SYNE2: variants seen among roughly 807,000 people sequenced by gnomAD.
SYNE2 encodes spectrin repeat containing nuclear envelope protein 2.
SYNE2 carries 431 observed loss-of-function variants against 856.3 expected under a neutral mutation model. That is an observed-to-expected ratio of 0.50 (90% CI 0.47 to 0.55). The LOEUF (loss-of-function observed/expected upper bound fraction) is 0.55, where lower values mean the gene tolerates loss of function less well. Among genes scored for constraint, SYNE2 ranks in the 20% least tolerant of loss-of-function variants. The pLI, the probability that SYNE2 is intolerant of heterozygous loss-of-function variation, is 0.00. For missense variants in SYNE2, 8,129 were observed against 8,023.2 expected (o/e 1.01, Z -0.50); for synonymous variants, 2,923 against 2,872.3 (o/e 1.02, Z -0.56).
chr14:64,127,982 C>A (rs1412079782), intron 73 of SYNE2, among the ~76,000 whole-genome samples: 1 of 152,132 alleles, frequency 6.6e-6, no homozygotes, highest in East Asian at 1.9e-4. Flanking sequence ...ATGTATTTAT[C>A]CATCATGACA....
intron 2 of SYNE2, among the ~76,000 whole-genome samples, chr14:63,913,261 T>C (rs776613259): frequency 6.6e-6 from 1 of 151,814 alleles, no homozygotes; most frequent in Non-Finnish European, 1.5e-5. Context: ...TGGGTAGATA[T>C]TTATGTTTTC....
intron 6 of SYNE2, among the ~76,000 whole-genome samples, chr14:63,948,255 A>T (rs1047757453): frequency 6.6e-6 from 1 of 152,160 alleles, no homozygotes; most frequent in East Asian, 1.9e-4. Flanking sequence ...TTAGAAAAAA[A>T]TTGACATTTA....
chr14:63,967,679 T>C, intron 10 of SYNE2, 30 bp from the exon 11 acceptor site: 1 of 1,606,214 alleles, frequency 6.2e-7, no homozygotes, highest in Non-Finnish European at 8.5e-7. Flanking sequence ...TTAAACATTT[T>C]CAATCTTTAA....
At chr14:63,799,853 A>T (rs145250040) in intron 1 of SYNE2, among the ~76,000 whole-genome samples, 1,734 of 152,346 alleles carry the variant, frequency 0.011, 16 homozygotes, top group Non-Finnish European at 0.017. Flanking sequence ...AAATTCTTTT[A>T]GCCCTGGGAT....
At chr14:64,114,922 A>G (rs2097842701) in intron 66 of SYNE2, among the ~76,000 whole-genome samples, 1 of 152,096 alleles carries the variant, frequency 6.6e-6, no homozygotes, top group African/African-American at 2.4e-5. Flanking sequence ...GCCCAGCCCA[A>G]AAGTCAGTTC....
At chr14:63,974,317 T>C (rs1334757710) in intron 11 of SYNE2, among the ~76,000 whole-genome samples, 1 of 152,118 alleles carries the variant, frequency 6.6e-6, no homozygotes, top group African/African-American at 2.4e-5. Flanking sequence ...GTGAGGGCCT[T>C]AGGCTACTTC....
chr14:64,075,597 CT>C (rs58200430), intron 53 of SYNE2: 20,008 of 163,666 alleles, frequency 0.12, 1,665 homozygotes, highest in African/African-American at 0.32. Flanking sequence ...TTCTTTGAAA[CT>C]TTTTTTTTTT....
At chr14:64,191,064 A>T in intron 99 of SYNE2, 2 of 702,190 alleles carry the variant, frequency 2.8e-6, no homozygotes, top group Admixed American at 2.0e-5. Flanking sequence ...CAACACATAG[A>T]ATTTGGAATA....
Position 64,053,252 on chromosome 14 carries a change from C to T in SYNE2, c.9339C>T (p.Asp3113=), listed in dbSNP as rs1337970922. Residue 3113 remains aspartate, a synonymous_variant, in exon 48 of 116, where the codon GAC becomes GAT. Coordinates refer to ENST00000555002, the MANE Select transcript of SYNE2 (RefSeq NM_182914.3). ...TAAATGAAAATAAGACCTTTGATGA[C>T]TCATTCAAGGAGAAAGAAATACTAC... ...KKLNENKTFD[D]SFKEKEILQI... 2 of 1,610,840 alleles carry T rather than the reference C, an allele frequency of 1.2e-6. No homozygotes were observed. The highest frequency in any genetic ancestry group is 1.1e-5 in the South Asian group (1 of 89,816).
At chr14:63,772,102 C>G (rs1445535416) in intron 1 of SYNE2, among the ~76,000 whole-genome samples, 1 of 152,200 alleles carries the variant, frequency 6.6e-6, no homozygotes, top group Non-Finnish European at 1.5e-5. Context: ...CCTGTAATCC[C>G]AGCACTTTGG....
rs772005436 is a variant in SYNE2, at chr14:64,101,917, C to T, written c.12382-15C>T. ...GAAGCTCTTCCCTTTGCTAACCAAT[C>T]GTTTACTGTGATAGAATGGAGATGA... On this transcript the variant is annotated splice_polypyrimidine_tract_variant and intron_variant, in intron 63 of 115. Transcript: ENST00000555002. 7.5e-6 allele frequency: 12 copies of T among 1,596,722 alleles called. No individual in the cohort carries two copies. In the African/African-American group the frequency reaches 8.0e-5, roughly 11 times the overall value.
At chr14:64,221,366 G>A (rs374228563) in intron 111 of SYNE2, among the ~76,000 whole-genome samples, 21 of 152,246 alleles carry the variant, frequency 1.4e-4, no homozygotes, top group South Asian at 6.2e-4. Context: ...TTTTATTCGC[G>A]GCCTCCTGGC....
chr14:64,128,335 A>C (rs1234252146), intron 73 of SYNE2, 117 bp from the exon 74 acceptor site: 3 of 666,824 alleles, frequency 4.5e-6, no homozygotes, highest in Non-Finnish European at 8.1e-6. Context: ...GGATTTCTCT[A>C]TTTTTGTATT....
At chr14:63,774,657 C>G (rs1887046556) in intron 1 of SYNE2, among the ~76,000 whole-genome samples, 2 of 152,028 alleles carry the variant, frequency 1.3e-5, no homozygotes, top group South Asian at 4.2e-4. Context: ...GCCTCAGCCT[C>G]CCAGGTAGAT....
chr14:64,207,840 T>G (rs2098615492), intron 100 of SYNE2: 1 of 363,604 alleles, frequency 2.8e-6, no homozygotes, highest in African/African-American at 2.1e-5. Flanking sequence ...ACAATGTAAT[T>G]TGGATATTAA....
chr14:64,171,873 C>T (rs568434095), intron 94 of SYNE2, among the ~76,000 whole-genome samples: 18 of 152,168 alleles, frequency 1.2e-4, no homozygotes, highest in African/African-American at 3.1e-4. Flanking sequence ...TTTTTTGGGA[C>T]GGAGTCTCAC....
At position 63,814,820 on chromosome 14, in the gene SYNE2, C is replaced by T. The variant is rs1435742079; in HGVS notation, c.-304-37681C>T. 3.3e-5 allele frequency among the ~76,000 whole-genome samples: 4 copies of T among 120,388 alleles called. No homozygotes were observed. In the Admixed American group the frequency reaches 3.8e-4, roughly 11 times the overall value. 79.0% of individuals were successfully genotyped at this position (120,388 alleles called of 152,430 possible). Reference sequence around the variant, plus strand: ...TATCCATATATATCCATATATATATCCATATATATCCATATACATATCTCC... The same window carrying T: ...TATCCATATATATCCATATATATATTCATATATATCCATATACATATCTCC... On this transcript the variant is annotated intron_variant, in intron 1 of 23. Transcript: ENST00000674003.
intron 96 of SYNE2, 61 bp downstream of exon 96, chr14:64,177,544 G>C: frequency 6.2e-7 from 1 of 1,605,988 alleles, no homozygotes; most frequent in Middle Eastern, 1.7e-4. Context: ...GTACTTTGAA[G>C]TGCTTCTTTG....
In SYNE2 at chr14:64,141,389, A is replaced by C; in HGVS notation, c.15025A>C (p.Ile5009Leu). The C allele has an allele frequency of 6.2e-7, 1 of 1,614,130 alleles. No homozygotes were observed. The highest frequency in any genetic ancestry group is 1.3e-5 in the African/African-American group (1 of 75,066). Residue 5009 changes from isoleucine (I) to leucine (L), a missense_variant, in exon 81 of 116, where the codon ATC becomes CTC. Ile to Leu is a conservative substitution (Grantham distance 5). Around this residue, in one of 3 missense-constraint regions of SYNE2, gnomAD observed 5,410 missense variants for 5,284.8 expected, o/e 1.02. Coordinates refer to ENST00000555002, the MANE Select transcript of SYNE2 (RefSeq NM_182914.3). ...DEKSSLKTAV[I>L]SIGNQLLHLK... ...AAAATCCTCCTTGAAGACTGCCGTT[A>C]TCAGTATCGGGAACCAGCTTCTTCA...
Sources: gnomAD v4.1 joint callset for allele counts (sites outside exome capture counted in the v4.1 genomes callset) on GRCh38, gnomAD v4.1.1 for gene constraint, gnomAD v4.1.1 regional missense constraint, MANE v1.5 for transcripts, NCBI Gene and HGNC (gene_info 2026-07-23, HGNC 2026-07-21) for gene names.